Variants in CNOT1 observed in about 807,000 individuals in gnomAD.
CNOT1 encodes CCR4-associated factor 1.
In CNOT1, 15 loss-of-function variants were observed where a neutral mutation model predicts 273.8. The observed-to-expected ratio is 0.05, with a 90% CI of 0.04 to 0.08. The LOEUF is 0.08. CNOT1 is among the 10% of genes least tolerant of loss of function. The pLI is 1.00. For missense variants in CNOT1, 1,644 were observed against 2,912.2 expected, an observed-to-expected ratio of 0.56 and a Z score of 10.02; for synonymous variants, 1,022 against 1,005.5, an observed-to-expected ratio of 1.02 and a Z score of -0.31.
chr16:58,595,480 A>C (rs1275711344), intron 2 of CNOT1, among the ~76,000 whole-genome samples: 6 of 152,062 alleles, frequency 3.9e-5, no homozygotes, highest in Admixed American at 3.3e-4. Context: ...TCCTTACCAA[A>C]AAGCAACCCC....
chr16:58,629,741 G>C lies in CNOT1; in HGVS notation c.-188C>G, dbSNP rs1203088675. Reference sequence around the variant, plus strand: ...AACCCGCCTCACCTCAGGCGGCTCCGGCAGCGCTGGACACAGGAAACTCCT... The same window carrying C: ...AACCCGCCTCACCTCAGGCGGCTCCCGCAGCGCTGGACACAGGAAACTCCT... On this transcript the variant is annotated 5_prime_UTR_variant, in exon 1 of 49. Transcript: ENST00000317147. 1 of 152,410 alleles carries C rather than the reference G, an allele frequency of 6.6e-6. No individual in the cohort carries two copies. The highest frequency in any genetic ancestry group is 1.9e-4 in the East Asian group (1 of 5,186). The allele number at this position is 152,410 out of a possible 1,614,324, so 9.4% of individuals were successfully genotyped here. A position where few individuals can be genotyped will look rare whatever the true frequency, so the allele number is the denominator to read the frequency against.
At chr16:58,603,453 G>GTGTGTGTGTGTGTT (rs2042554478) in intron 1 of CNOT1, among the ~76,000 whole-genome samples, 1 of 130,986 alleles carries the variant, frequency 7.6e-6, no homozygotes, top group Non-Finnish European at 1.6e-5. Context: ...GTGTGTGTGT[G>GTGTGTGTGTGTGTT]TGTGTGTGTC....
In CNOT1 at chr16:58,520,990, G is replaced by A. The variant is rs776505145; in HGVS notation, c.7099C>T (p.Gln2367Ter). Residue 2367 changes from glutamine (Q) to a stop codon, truncating the protein, a stop_gained, in exon 49 of 49, where the codon CAG (glutamine) becomes TAG (stop). Coordinates refer to ENST00000317147, the MANE Select transcript of CNOT1 (RefSeq NM_016284.5). LOFTEE classifies it high-confidence loss of function. Reference sequence around the variant, plus strand: ...GCACCTGTCCCTTCCATTACTTGCTGGGCCTGCTTCTGTCCCATGCAGCAC... The same window carrying A: ...GCACCTGTCCCTTCCATTACTTGCTAGGCCTGCTTCTGTCCCATGCAGCAC... ...AQCCMGQKQA[Q>*]QVMEGTGAS 1 of 1,613,984 alleles carries A rather than the reference G, an allele frequency of 6.2e-7. No individual in the cohort carries two copies. Among genetic ancestry groups the A allele is most frequent in the Admixed American group, 1.7e-5 (1 of 60,030 alleles).
chr16:58,613,811 C>T (rs1279334665), intron 1 of CNOT1, among the ~76,000 whole-genome samples: 2 of 122,130 alleles, frequency 1.6e-5, no homozygotes, highest in African/African-American at 5.5e-5. Flanking sequence ...GAAAATTGGT[C>T]GCCGTGGTGG....
intron 2 of CNOT1, among the ~76,000 whole-genome samples, chr16:58,590,013 T>C (rs2042000680): frequency 6.6e-6 from 1 of 152,232 alleles, no homozygotes; most frequent in Non-Finnish European, 1.5e-5. Context: ...TCCATAGCAT[T>C]TACCACTACC....
At chr16:58,571,906 T>C (rs974831549) in intron 16 of CNOT1, among the ~76,000 whole-genome samples, 5 of 150,736 alleles carry the variant, frequency 3.3e-5, no homozygotes, top group Admixed American at 6.6e-5. Context: ...GAGGCGGAGG[T>C]TGCTGTGAAC....
At position 58,526,186 on chromosome 16, in the gene CNOT1, G is replaced by A. The variant is rs372820292; in HGVS notation, c.6454-48C>T. On this transcript the variant is annotated intron_variant, in intron 44 of 48. Coordinates refer to ENST00000317147, the MANE Select transcript of CNOT1 (RefSeq NM_016284.5). Reference sequence around the variant, plus strand: ...ATCACAAGCAGAATCATTTTTATTAGTAAATTACATCTATGCTTAAGTGGT... The same window carrying A: ...ATCACAAGCAGAATCATTTTTATTAATAAATTACATCTATGCTTAAGTGGT... The A allele has an allele frequency of 3.9e-5, 63 of 1,602,980 alleles. No homozygotes were observed. The African/African-American group carries it at 7.8e-4, about 20-fold the overall frequency.
At chr16:58,604,828 TA>T (rs148121702) in intron 1 of CNOT1, among the ~76,000 whole-genome samples, 2,336 of 116,822 alleles carry the variant, frequency 0.02, 37 homozygotes, top group Non-Finnish European at 0.024. Flanking sequence ...AAAAAAAAAT[TA>T]AAAAAAAAAA....
At chr16:58,615,695 GA>G (rs2043049631) in intron 1 of CNOT1, among the ~76,000 whole-genome samples, 1 of 125,736 alleles carries the variant, frequency 8.0e-6, no homozygotes, top group South Asian at 2.3e-4. Context: ...AACATTTTTA[GA>G]AGTTACTCTT....
intron 10 of CNOT1, among the ~76,000 whole-genome samples, chr16:58,582,123 CAAA>C (rs930219983): frequency 2.0e-5 from 2 of 99,396 alleles, no homozygotes; most frequent in African/African-American, 4.3e-5. Flanking sequence ...ACTAAAAATA[CAAA>C]AAAAAAAAAA....
rs556720492 is a variant in CNOT1 at position 58,583,964 on chromosome 16, C to T, written c.807-782G>A. ...CGGGTGGATCACGAGGTCAGGAGAT[C>T]AAGACCATCCTGGCTAACACAGTGA... On this transcript the variant is annotated intron_variant, in intron 8 of 48. Transcript: ENST00000317147. 2.0e-5 allele frequency among the ~76,000 whole-genome samples: 3 copies of T among 151,706 alleles called. No homozygotes were observed. The South Asian group carries it at 6.2e-4, about 32-fold the overall frequency.
chr16:58,561,870 C>T (rs2040855591), intron 16 of CNOT1, among the ~76,000 whole-genome samples: 1 of 152,074 alleles, frequency 6.6e-6, no homozygotes, highest in African/African-American at 2.4e-5. Flanking sequence ...TATGGGGTCC[C>T]TTGTATTCAG....
chr16:58,568,225 G>A (rs1370180787), intron 16 of CNOT1, among the ~76,000 whole-genome samples: 1 of 152,078 alleles, frequency 6.6e-6, no homozygotes, highest in South Asian at 2.1e-4. Flanking sequence ...AAAATTAGCT[G>A]GGCGTAATGG....
intron 2 of CNOT1, among the ~76,000 whole-genome samples, chr16:58,597,027 A>C (rs2042285601): frequency 6.6e-6 from 1 of 151,936 alleles, no homozygotes; most frequent in Non-Finnish European, 1.5e-5. Flanking sequence ...CTGAACAGCT[A>C]AAATCTTTAA....
At chr16:58,622,381 G>A (rs189007857) in intron 1 of CNOT1, among the ~76,000 whole-genome samples, 4 of 131,602 alleles carry the variant, frequency 3.0e-5, no homozygotes, top group Admixed American at 1.8e-4. Context: ...GGCAAAGCAT[G>A]TATTGGGGCA....
At chr16:58,541,454 T>C (rs2040094109) in intron 34 of CNOT1, 47 bp downstream of exon 34, 13 of 1,589,240 alleles carry the variant, frequency 8.2e-6, no homozygotes, top group Non-Finnish European at 1.0e-5. Context: ...GTCAAAAACA[T>C]TTAAATTAAT....
At position 58,525,367 on chromosome 16, in the gene CNOT1, T is replaced by C; in HGVS notation, c.6604-8A>G. On this transcript the variant is annotated splice_region_variant and splice_polypyrimidine_tract_variant and intron_variant, in intron 45 of 48. Coordinates refer to ENST00000317147, the MANE Select transcript of CNOT1 (RefSeq NM_016284.5). ...CCCAGGTTCATTGGATACCTTAAAATGAGCAAAACAGAACTCCTTATGCTT... is the reference window on the plus strand; with the variant it reads ...CCCAGGTTCATTGGATACCTTAAAACGAGCAAAACAGAACTCCTTATGCTT... 1 of 1,612,146 alleles carries C rather than the reference T, an allele frequency of 6.2e-7. No individual in the cohort carries two copies. Among genetic ancestry groups the C allele is most frequent in the Non-Finnish European group, 8.5e-7 (1 of 1,179,612 alleles).
intron 19 of CNOT1, among the ~76,000 whole-genome samples, chr16:58,556,485 A>G (rs1041835143): frequency 1.3e-5 from 2 of 152,244 alleles, no homozygotes; most frequent in Non-Finnish European, 2.9e-5. Context: ...GAGGTGAAAC[A>G]AAAATTGGAA....
chr16:58,539,012 C>T, intron 35 of CNOT1, 98 bp from the exon 36 acceptor site: 1 of 1,493,036 alleles, frequency 6.7e-7, no homozygotes, highest in Non-Finnish European at 8.9e-7. Context: ...TACCAAATAC[C>T]TTCCAAAGCC....
Sources: gnomAD v4.1 joint callset for allele counts (sites outside exome capture counted in the v4.1 genomes callset) on GRCh38, gnomAD v4.1.1 for gene constraint, MANE v1.5 for transcripts, NCBI Gene and HGNC (gene_info 2026-07-23, HGNC 2026-07-21) for gene names.